The following MYO1D variants were observed in gnomAD, a reference collection of about 807,000 sequenced individuals.
MYO1D encodes myosin ID.
MYO1D carries 83 observed loss-of-function variants against 122.0 expected under a neutral mutation model. The ratio of observed to expected loss-of-function variants is 0.68; its 90% CI spans 0.57 to 0.82. The LOEUF (loss-of-function observed/expected upper bound fraction) is 0.82. Ranked by LOEUF, MYO1D falls within the 40% of genes least tolerant of loss-of-function variation. The probability of loss-of-function intolerance (pLI) is 0.00; values close to 1 mark genes in which losing one functional copy is unlikely to be tolerated. For missense variants in MYO1D, 1,157 were observed against 1,269.5 expected (o/e 0.91, Z 1.35); for synonymous variants, 464 against 446.9 (o/e 1.04, Z -0.48).
intron 1 of MYO1D, among the ~76,000 whole-genome samples, chr17:32,800,589 T>C (rs952710867): frequency 1.3e-5 from 2 of 152,158 alleles, no homozygotes; most frequent in African/African-American, 4.8e-5. Context: ...CTGGTCAACA[T>C]GTACGAAGTT....
intron 21 of MYO1D, among the ~76,000 whole-genome samples, chr17:32,550,838 A>G (rs1395479187): frequency 6.6e-6 from 1 of 152,074 alleles, no homozygotes; most frequent in Non-Finnish European, 1.5e-5. Flanking sequence ...TTTACAAAAA[A>G]TTTAAAAATT....
chr17:32,496,040 A>G (rs1250687257), intron 21 of MYO1D: 2 of 152,380 alleles, frequency 1.3e-5, no homozygotes, highest in African/African-American at 2.4e-5. Context: ...CAAGGCCAGC[A>G]TGCGCTGAGC....
chr17:32,619,156 C>T (rs911717861), intron 20 of MYO1D, among the ~76,000 whole-genome samples: 1 of 152,140 alleles, frequency 6.6e-6, no homozygotes, highest in Non-Finnish European at 1.5e-5. Flanking sequence ...ATCACTTCAA[C>T]AAGTTTTTAA....
chr17:32,529,994 C>T (rs952009921), intron 21 of MYO1D: 1 of 152,226 alleles, frequency 6.6e-6, no homozygotes, highest in African/African-American at 2.4e-5. Context: ...TCTGCATCAC[C>T]TATTCAGCAT....
At chr17:32,775,646 A>G (rs12941088) in intron 4 of MYO1D, among the ~76,000 whole-genome samples, 53,628 of 152,074 alleles carry the variant, frequency 0.35, 10,964 homozygotes, top group East Asian at 0.54. Context: ...TCACACGCAT[A>G]GCTAAATCTA....
At chr17:32,585,015 T>G (rs1206677397) in intron 21 of MYO1D, among the ~76,000 whole-genome samples, 1 of 152,172 alleles carries the variant, frequency 6.6e-6, no homozygotes, top group East Asian at 1.9e-4. Context: ...GCCAAGAATT[T>G]CCATGCATCA....
At chr17:32,539,054 A>C (rs1393230074) in intron 21 of MYO1D, among the ~76,000 whole-genome samples, 2 of 140,446 alleles carry the variant, frequency 1.4e-5, no homozygotes, top group Non-Finnish European at 3.3e-5. Flanking sequence ...CCACCATGGC[A>C]CATGTTTACC....
At chr17:32,605,986 G>A (rs2087623177) in intron 20 of MYO1D, among the ~76,000 whole-genome samples, 1 of 151,926 alleles carries the variant, frequency 6.6e-6, no homozygotes, top group Non-Finnish European at 1.5e-5. Context: ...TGTAGTCCCA[G>A]CTACTTGGGG....
chr17:32,610,381 G>A (rs940714238), intron 20 of MYO1D, among the ~76,000 whole-genome samples: 2 of 152,208 alleles, frequency 1.3e-5, no homozygotes, highest in African/African-American at 4.8e-5. Flanking sequence ...CAGTACTTAA[G>A]TTGCTCTGCT....
chr17:32,769,533 G>C (rs1047070249), intron 6 of MYO1D, among the ~76,000 whole-genome samples: 1 of 151,820 alleles, frequency 6.6e-6, no homozygotes, highest in Admixed American at 6.6e-5. Context: ...TTTTAGAACT[G>C]GTTAAGATAC....
chr17:32,811,833 C>T (rs1396180889), intron 1 of MYO1D, among the ~76,000 whole-genome samples: 4 of 152,000 alleles, frequency 2.6e-5, no homozygotes, highest in Non-Finnish European at 4.4e-5. Context: ...GTGGGGCAAT[C>T]CTTTTTGAAA....
chr17:32,649,567 C>CTT (rs35514290), intron 19 of MYO1D, among the ~76,000 whole-genome samples: 237 of 93,626 alleles, frequency 2.5e-3, no homozygotes, highest in Non-Finnish European at 3.4e-3. Context: ...TTCTTTCTTT[C>CTT]TTTTTTTTTT....
At chr17:32,762,882 G>GA (rs34258339) in intron 8 of MYO1D, among the ~76,000 whole-genome samples, 1,408 of 129,984 alleles carry the variant, frequency 0.011, 15 homozygotes, top group African/African-American at 0.036. Flanking sequence ...AAAAAAAAAA[G>GA]AAAAAAAAAA....
intron 13 of MYO1D, among the ~76,000 whole-genome samples, chr17:32,744,514 C>T (rs1003771252): frequency 1.3e-5 from 2 of 152,160 alleles, no homozygotes; most frequent in Non-Finnish European, 2.9e-5. Context: ...TATCCCAGAA[C>T]ATAGAAGAAA....
At chr17:32,781,785 T>C (rs1381443802) in intron 1 of MYO1D, among the ~76,000 whole-genome samples, 1 of 150,772 alleles carries the variant, frequency 6.6e-6, no homozygotes, top group Non-Finnish European at 1.5e-5. Context: ...ATGACTGCAA[T>C]TGTGCAACTT....
chr17:32,816,594 A>C (rs568424594), intron 1 of MYO1D, among the ~76,000 whole-genome samples: 1 of 152,254 alleles, frequency 6.6e-6, no homozygotes, highest in Non-Finnish European at 1.5e-5. Context: ...TGTTTTAACA[A>C]TATCTTCAAA....
chr17:32,553,803 C>A (rs2087044078), intron 21 of MYO1D, among the ~76,000 whole-genome samples: 1 of 152,158 alleles, frequency 6.6e-6, no homozygotes. Flanking sequence ...GTTTCATTCA[C>A]TCCCACCACT....
chr17:32,773,229 T>C (rs1279438661), intron 4 of MYO1D, among the ~76,000 whole-genome samples: 1 of 152,198 alleles, frequency 6.6e-6, no homozygotes, highest in East Asian at 1.9e-4. Context: ...CCTCAACCTC[T>C]TTCTCCTTTC....
intron 15 of MYO1D, among the ~76,000 whole-genome samples, chr17:32,717,056 A>G (rs1176612714): frequency 6.6e-6 from 1 of 152,252 alleles, no homozygotes; most frequent in Non-Finnish European, 1.5e-5. Flanking sequence ...TCTAAAAGCA[A>G]AAATTCACTG....
Sources: gnomAD v4.1 joint callset for allele counts (sites outside exome capture counted in the v4.1 genomes callset) on GRCh38, gnomAD v4.1.1 for gene constraint, MANE v1.5 for transcripts, NCBI Gene and HGNC (gene_info 2026-07-23, HGNC 2026-07-21) for gene names.